Variants in MTTP observed in about 807,000 individuals in gnomAD.
MTTP encodes the protein microsomal triglyceride transfer protein large subunit.
In MTTP, 49 loss-of-function variants were observed where a neutral mutation model predicts 90.6. The observed-to-expected ratio is 0.54, with a 90% CI of 0.43 to 0.69. MTTP has a LOEUF of 0.69. MTTP is among the 30% of genes least tolerant of loss of function. The pLI is 0.00. For missense variants in MTTP, 945 were observed against 1,067.5 expected, an observed-to-expected ratio of 0.89 and a Z score of 1.60; for synonymous variants, 347 against 384.2, an observed-to-expected ratio of 0.90 and a Z score of 1.13.
Position 99,589,638 on chromosome 4 carries a change from AC to A in MTTP, c.394-3del. ...ATTTGTGTTCTGTTCCCCTCTCCCC[AC>A]CAGGTCAAAGAGTTCTACTCATATC... On this transcript the variant is annotated splice_region_variant and splice_polypyrimidine_tract_variant and intron_variant, in intron 3 of 17. Coordinates refer to ENST00000265517, the MANE Select transcript of MTTP (RefSeq NM_001386140.1). 1 of 1,545,694 alleles carries A rather than the reference AC, an allele frequency of 6.5e-7. No homozygotes were observed. Among genetic ancestry groups the A allele is most frequent in the Non-Finnish European group, 8.9e-7 (1 of 1,119,070 alleles).
At chr4:99,570,479 T>G (rs1724818084), upstream of MTTP, among the ~76,000 whole-genome samples, 3 of 152,012 alleles carry the variant, frequency 2.0e-5, 1 homozygote, top group South Asian at 6.2e-4. Context: ...TTATGATGTA[T>G]CTACTTGTGT....
intron 14 of MTTP, 151 bp from the exon 15 acceptor site, chr4:99,612,762 T>C (rs897831994): frequency 1.4e-6 from 1 of 700,950 alleles, no homozygotes; most frequent in Admixed American, 2.2e-5. Context: ...GGCACAGAGG[T>C]TTTTGTCTGT....
chr4:99,586,433 T>C (rs985218904), intron 3 of MTTP, among the ~76,000 whole-genome samples: 1 of 152,108 alleles, frequency 6.6e-6, no homozygotes, highest in Non-Finnish European at 1.5e-5. Context: ...GTTGATTAAA[T>C]TAACCACGTG....
chr4:99,565,097 G>C (rs1336941915), intron 1 of MTTP, among the ~76,000 whole-genome samples: 5 of 152,160 alleles, frequency 3.3e-5, no homozygotes, highest in Non-Finnish European at 7.4e-5. Context: ...CTCCATATGA[G>C]GGCAAAGAGT....
intron 10 of MTTP, among the ~76,000 whole-genome samples, chr4:99,603,889 T>C (rs546737456): frequency 2.0e-5 from 3 of 152,284 alleles, no homozygotes; most frequent in African/African-American, 7.2e-5. Flanking sequence ...GGATCAAATT[T>C]AAAGTTCTTC....
intron 14 of MTTP, among the ~76,000 whole-genome samples, 167 bp downstream of exon 14, chr4:99,611,620 T>C (rs1377525989): frequency 6.6e-6 from 1 of 152,224 alleles, no homozygotes; most frequent in Non-Finnish European, 1.5e-5. Flanking sequence ...GTATGGTTTA[T>C]AGTCACTCAG....
chr4:99,592,379 A>G (rs887119126), intron 6 of MTTP, among the ~76,000 whole-genome samples: 5 of 152,194 alleles, frequency 3.3e-5, no homozygotes, highest in African/African-American at 1.2e-4. Context: ...GCTTACTGTA[A>G]TATTTTTACG....
At chr4:99,588,123 G>T (rs1560616019) in intron 3 of MTTP, among the ~76,000 whole-genome samples, 1 of 151,364 alleles carries the variant, frequency 6.6e-6, no homozygotes, top group Non-Finnish European at 1.5e-5. Flanking sequence ...CACTTGTTTG[G>T]ATAATTCAGG....
intron 10 of MTTP, among the ~76,000 whole-genome samples, 198 bp from the exon 11 acceptor site, chr4:99,606,549 AT>A (rs549544453): frequency 1.4e-3 from 210 of 152,154 alleles, no homozygotes; most frequent in African/African-American, 4.7e-3. Flanking sequence ...ATGTATATGT[AT>A]TTTTTTTAAA....
intron 11 of MTTP, among the ~76,000 whole-genome samples, chr4:99,608,228 C>T (rs967687227): frequency 2.0e-5 from 3 of 152,162 alleles, no homozygotes; most frequent in South Asian, 2.1e-4. Context: ...GGGTGGATCA[C>T]GAGGTCAGGA....
chr4:99,600,395 T>C (rs1725664827), intron 8 of MTTP, among the ~76,000 whole-genome samples, 170 bp from the exon 9 acceptor site: 1 of 152,010 alleles, frequency 6.6e-6, no homozygotes, highest in South Asian at 2.1e-4. Context: ...TAAAATAAAA[T>C]GGGGAGGGGT....
intron 3 of MTTP, among the ~76,000 whole-genome samples, chr4:99,589,033 A>ATATATATATGTT (rs1725341630): frequency 0.031 from 21 of 670 alleles, 5 homozygotes; most frequent in Non-Finnish European, 0.054. Context: ...ATATATATAC[A>ATATATATATGTT]CACATATATA....
intron 1 of MTTP, among the ~76,000 whole-genome samples, chr4:99,578,716 T>C (rs1199446473): frequency 6.6e-6 from 1 of 152,240 alleles, no homozygotes; most frequent in Non-Finnish European, 1.5e-5. Context: ...TTCGTAGTTA[T>C]TTTAACCAGA....
At chr4:99,583,346 T>A (rs757381630) in intron 2 of MTTP, 28 bp from the exon 3 acceptor site, 3 of 1,611,442 alleles carry the variant, frequency 1.9e-6, no homozygotes, top group South Asian at 2.2e-5. Context: ...GGAAGTTTTT[T>A]TTAACAGCTT....
intron 11 of MTTP, 42 bp downstream of exon 11, chr4:99,607,002 A>C (rs754987331): frequency 1.3e-6 from 2 of 1,550,094 alleles, no homozygotes; most frequent in Admixed American, 3.6e-5. Context: ...CAGAAGAAAA[A>C]AAAAAAGCAT....
At chr4:99,579,159 T>C (rs1042556730) in intron 1 of MTTP, among the ~76,000 whole-genome samples, 5 of 152,204 alleles carry the variant, frequency 3.3e-5, no homozygotes, top group Non-Finnish European at 7.3e-5. Context: ...ATAGATCCTT[T>C]CATACTTCCT....
intron 14 of MTTP, 121 bp from the exon 15 acceptor site, chr4:99,612,792 T>C: frequency 1.2e-6 from 1 of 865,972 alleles, no homozygotes; most frequent in Non-Finnish European, 1.9e-6. Context: ...TGTTTTTAGC[T>C]GTTGCAAATA....
At chr4:99,571,095 T>C (rs1304352431), upstream of MTTP, among the ~76,000 whole-genome samples, 1 of 151,992 alleles carries the variant, frequency 6.6e-6, no homozygotes, top group Non-Finnish European at 1.5e-5. Context: ...TCCCCAAATA[T>C]TGCCTTTGCA....
Position 99,574,938 on chromosome 4 carries a change from G to A in MTTP, c.29G>A (p.Cys10Tyr). The A allele has an allele frequency of 6.2e-7, 1 of 1,614,128 alleles. No homozygotes were observed. The highest frequency in any genetic ancestry group is 1.1e-5 in the South Asian group (1 of 91,078). ...ATTCTTCTTGCTGTGCTTTTTCTCT[G>A]CTTCATTTCCTCATATTCAGCTTCT... MILLAVLFL[C>Y]FISSYSASVK... The change falls in exon 1 of 18, where the codon TGC becomes TAC. Residue 10 changes from cysteine to tyrosine, a missense_variant. Physicochemically the swap from Cys to Tyr is radical, Grantham distance 194. Transcript: ENST00000265517.
Sources: gnomAD v4.1 joint callset for allele counts (sites outside exome capture counted in the v4.1 genomes callset) on GRCh38, gnomAD v4.1.1 for gene constraint, MANE v1.5 for transcripts, NCBI Gene and HGNC (gene_info 2026-07-23, HGNC 2026-07-21) for gene names.